ZFHX3: variants seen among roughly 807,000 people sequenced by gnomAD.
ZFHX3 encodes the protein zinc finger homeobox protein 3.
In ZFHX3, 42 loss-of-function variants were observed where a neutral mutation model predicts 279.1. That is an observed-to-expected ratio of 0.15 (90% CI 0.12 to 0.19). ZFHX3 has a LOEUF of 0.19. Among genes scored for constraint, ZFHX3 ranks in the 10% least tolerant of loss-of-function variants. The pLI, the probability that ZFHX3 is intolerant of heterozygous loss-of-function variation, is 1.00. For missense variants in ZFHX3, 4,981 were observed against 4,754.0 expected, an observed-to-expected ratio of 1.05 and a Z score of -1.40; for synonymous variants, 2,293 against 1,957.8, an observed-to-expected ratio of 1.17 and a Z score of -4.52.
rs368484650 is a variant in ZFHX3 at position 73,305,825 on chromosome 16, G to A, written c.-1194+12415C>T. 4.3e-4 allele frequency among the ~76,000 whole-genome samples: 66 copies of A among 152,254 alleles called. No homozygotes were observed. In the South Asian group the frequency reaches 0.013, roughly 31 times the overall value. ...GATGGTAGAATATTTTATGTTATAG[G>A]CCACTTCCTCTTTGGAGAGGGTACA... is the stretch of plus-strand genomic sequence containing the variant. On this transcript the variant is annotated intron_variant, in intron 4 of 17. Coordinates refer to the ZFHX3 transcript ENST00000641206.
chr16:73,300,454 C>T (rs187938016), intron 4 of ZFHX3, among the ~76,000 whole-genome samples: 53 of 151,814 alleles, frequency 3.5e-4, no homozygotes, highest in African/African-American at 1.2e-3. Flanking sequence ...CATAGGTGGC[C>T]GTGTGTGCCA....
At chr16:73,688,893 T>C (rs184437283) in intron 1 of ZFHX3, among the ~76,000 whole-genome samples, 42 of 152,296 alleles carry the variant, frequency 2.8e-4, no homozygotes, top group African/African-American at 1.0e-3. Flanking sequence ...TCTCCTCTTG[T>C]CTGCCGCCAA....
rs768410525 is a variant in ZFHX3, at chr16:73,070,938, G to GCA, written c.-532-11928_-532-11927dup. Among the ~76,000 whole-genome samples the GCA allele has an allele frequency of 8.2e-3, 186 of 22,616 alleles. 1 individual carries two copies. Among genetic ancestry groups the GCA allele is most frequent in the African/African-American group, 0.014 (166 of 11,474 alleles). 14.8% of individuals were successfully genotyped at this position (22,616 alleles called of 152,430 possible). On this transcript the variant is annotated intron_variant, in intron 8 of 17. Coordinates refer to the ZFHX3 transcript ENST00000641206. ...CTTGCGCGCGCGCGCGCGCGCGCGC[G>GCA]CACACACACACACACACACACACAC...
intron 3 of ZFHX3, among the ~76,000 whole-genome samples, chr16:72,898,737 AC>A (rs756601916): frequency 3.2e-4 from 38 of 120,232 alleles, no homozygotes; most frequent in Non-Finnish European, 5.0e-4. Context: ...CAAATTATTA[AC>A]CCTGTCTCAA....
chr16:73,451,113 A>G (rs2018275728), intron 3 of ZFHX3, among the ~76,000 whole-genome samples: 1 of 152,190 alleles, frequency 6.6e-6, no homozygotes, highest in African/African-American at 2.4e-5. Context: ...TGTTTGGAGC[A>G]ATGATGCTGC....
chr16:72,832,490 T>C (rs1372930615), intron 4 of ZFHX3, among the ~76,000 whole-genome samples: 1 of 152,114 alleles, frequency 6.6e-6, no homozygotes, highest in East Asian at 2.0e-4. Context: ...TGCTTATCTC[T>C]TTTTTTAAAA....
intron 3 of ZFHX3, among the ~76,000 whole-genome samples, chr16:73,432,510 T>C (rs1404339479): frequency 6.6e-6 from 1 of 152,238 alleles, no homozygotes; most frequent in Non-Finnish European, 1.5e-5. Context: ...CTAGTTGATC[T>C]GTTCTTATCC....
chr16:73,688,338 C>A (rs2053112673), intron 1 of ZFHX3, among the ~76,000 whole-genome samples: 1 of 131,564 alleles, frequency 7.6e-6, no homozygotes, highest in Non-Finnish European at 1.6e-5. Context: ...GCCTGGGTGA[C>A]AGAGTGAGAC....
intron 4 of ZFHX3, among the ~76,000 whole-genome samples, chr16:73,311,635 T>C (rs1004214435): frequency 4.8e-5 from 7 of 147,188 alleles, no homozygotes; most frequent in African/African-American, 1.8e-4. Flanking sequence ...AGGCCAACAA[T>C]GGTTATCTCT....
At chr16:73,594,092 T>C (rs2052025360) in intron 2 of ZFHX3, among the ~76,000 whole-genome samples, 1 of 152,128 alleles carries the variant, frequency 6.6e-6, no homozygotes. Flanking sequence ...AACAAAACTA[T>C]TTATATAAGA....
At chr16:73,838,751 CGTGTGTGTGTCT>C (rs1961212385) in intron 1 of ZFHX3, among the ~76,000 whole-genome samples, 1 of 139,602 alleles carries the variant, frequency 7.2e-6, no homozygotes, top group African/African-American at 3.0e-5. Flanking sequence ...TGCGCACATG[CGTGTGTGTGTCT>C]GTGTGTGTGT....
intron 6 of ZFHX3, among the ~76,000 whole-genome samples, chr16:73,141,398 A>AT (rs34599739): frequency 0.031 from 4,477 of 144,458 alleles, 98 homozygotes; most frequent in African/African-American, 0.07. Context: ...TCTTTAAATA[A>AT]TTTTTTTTTT....
At chr16:73,702,858 TAAAG>T (rs2053263387) in intron 1 of ZFHX3, among the ~76,000 whole-genome samples, 1 of 152,106 alleles carries the variant, frequency 6.6e-6, no homozygotes, top group Non-Finnish European at 1.5e-5. Context: ...CTGTATGAAA[TAAAG>T]AGAGTCCCCT....
At chr16:73,325,928 A>ACAAACACACACACACACAC (rs1567451240) in intron 3 of ZFHX3, among the ~76,000 whole-genome samples, 2 of 145,490 alleles carry the variant, frequency 1.4e-5, no homozygotes, top group African/African-American at 2.5e-5. Flanking sequence ...CACACACACA[A>ACAAACACACACACACACAC]ACACACACAC....
Position 72,989,594 on chromosome 16 carries a change from T to C in ZFHX3, c.-49-29400A>G, listed in dbSNP as rs1962997522. Among the ~76,000 whole-genome samples, 3 of 152,244 alleles carry C rather than the reference T, an allele frequency of 2.0e-5. No individual in the cohort carries two copies. The South Asian group carries it at 6.2e-4, about 32-fold the overall frequency. ...TGCACATGGATAAGTCAACAATCCT[T>C]CAGTTGCTTCAATGACAAAAACATA... On this transcript the variant is annotated intron_variant, in intron 1 of 9. Coordinates refer to ENST00000268489, the MANE Select transcript of ZFHX3 (RefSeq NM_006885.4).
chr16:72,797,409 T>C lies in ZFHX3; in HGVS notation c.5273A>G (p.Gln1758Arg). The change falls in exon 9 of 10, where the codon CAG becomes CGG. Residue 1758 changes from glutamine (Q) to arginine (R), a missense_variant. This residue lies in a region of ZFHX3 where 1,751 missense variants were observed against 1,770.0 expected (regional missense o/e 0.99). Transcript: ENST00000268489. The stretch of plus-strand genomic sequence containing the variant: ...CAGGGCAGCCTGTTGCTGCAGCTCC[T>C]GCTGCAGGTGAGCTTGAACTTGAGC... ...AQAQVQAHLQ[Q>R]ELQQQAALIQ... 6.2e-7 allele frequency: 1 copy of C among 1,611,132 alleles called. No homozygotes were observed.
chr16:73,030,793 C>T (rs1361561665), intron 1 of ZFHX3, among the ~76,000 whole-genome samples: 1 of 152,214 alleles, frequency 6.6e-6, no homozygotes, highest in Non-Finnish European at 1.5e-5. Flanking sequence ...ACCTGCCTCC[C>T]TTGCACGCCC....
At chr16:73,476,978 C>T (rs1484587866) in intron 2 of ZFHX3, among the ~76,000 whole-genome samples, 5 of 152,184 alleles carry the variant, frequency 3.3e-5, no homozygotes, top group African/African-American at 1.2e-4. Flanking sequence ...AGCCTTTAAA[C>T]TGTTTGCAAT....
intron 3 of ZFHX3, among the ~76,000 whole-genome samples, chr16:73,403,330 C>T (rs1031903594): frequency 1.3e-5 from 2 of 152,186 alleles, no homozygotes; most frequent in African/African-American, 4.8e-5. Flanking sequence ...AGACTGGTCC[C>T]GCAGGGGTTC....
Sources: allele counts gnomAD v4.1 joint callset (sites outside exome capture counted in the v4.1 genomes callset), GRCh38; gene constraint gnomAD v4.1.1; regional missense constraint gnomAD v4.1.1; transcripts MANE v1.5; gene names NCBI Gene and HGNC (gene_info 2026-07-23, HGNC 2026-07-21).